RBFOX1: variants seen among roughly 807,000 people sequenced by gnomAD.
RBFOX1 encodes the protein RNA binding fox-1 homolog 1, also known as RNA binding protein fox-1 homolog 1.
RBFOX1 carries 8 observed loss-of-function variants against 57.7 expected under a neutral mutation model. That is an observed-to-expected ratio of 0.14 (90% CI 0.08 to 0.25). The LOEUF (loss-of-function observed/expected upper bound fraction) is 0.25, where lower values mean the gene tolerates loss of function less well. Among genes scored for constraint, RBFOX1 ranks in the 10% least tolerant of loss-of-function variants. The pLI is 1.00. For synonymous variants in RBFOX1, 326 were observed against 222.4 expected, an observed-to-expected ratio of 1.47 and a Z score of -4.15; for missense variants, 611 against 548.5, an observed-to-expected ratio of 1.11 and a Z score of -1.14.
intron 2 of RBFOX1, among the ~76,000 whole-genome samples, chr16:6,469,509 G>T (rs148151758): frequency 1.3e-5 from 2 of 152,138 alleles, no homozygotes; most frequent in African/African-American, 4.8e-5. Flanking sequence ...AAAAGAGTTA[G>T]CTTTGAAAAC....
rs535420887 is a variant in RBFOX1 at position 6,811,829 on chromosome 16, C to T, written c.-16+157179C>T. On this transcript the variant is annotated intron_variant, in intron 3 of 15. Coordinates refer to ENST00000550418, the MANE Select transcript of RBFOX1 (RefSeq NM_018723.4). ...GCTTGAACCTGGGAGGCAGAGGTTA[C>T]AGTGAGCCGAGATTGTGCCATTGCA... 4.6e-5 allele frequency among the ~76,000 whole-genome samples: 7 copies of T among 152,284 alleles called. 1 individual carries two copies. In the East Asian group the frequency reaches 9.7e-4, roughly 21 times the overall value.
chr16:6,305,787 A>G (rs1204510551), intron 1 of RBFOX1, among the ~76,000 whole-genome samples: 2 of 151,984 alleles, frequency 1.3e-5, no homozygotes, highest in Admixed American at 1.3e-4. Flanking sequence ...CAACTAGCAA[A>G]TGCTGGAGCT....
At chr16:6,804,490 C>A (rs567585260) in intron 3 of RBFOX1, among the ~76,000 whole-genome samples, 1 of 152,116 alleles carries the variant, frequency 6.6e-6, no homozygotes, top group Admixed American at 6.5e-5. Flanking sequence ...ACAGGCTCAA[C>A]AGCTCTAGGT....
chr16:7,368,010 T>C (rs1242166858), intron 4 of RBFOX1, among the ~76,000 whole-genome samples: 3 of 152,126 alleles, frequency 2.0e-5, no homozygotes. Context: ...CTTATGCCTG[T>C]AATCCCAGCA....
Position 5,977,258 on chromosome 16 carries a change from C to G in RBFOX1, c.351+109923C>G, listed in dbSNP as rs570315177. Among the ~76,000 whole-genome samples the G allele has an allele frequency of 7.2e-5, 11 of 152,338 alleles. No homozygotes were observed. In the South Asian group the frequency reaches 2.3e-3, roughly 32 times the overall value. ...TTGATGATGGCTCCTCACCACCTCT[C>G]TGCCTGCCCCATGACCCTGGAGGAG... On this transcript the variant is annotated intron_variant, in intron 4 of 19. Transcript: ENST00000641259.
intron 4 of RBFOX1, among the ~76,000 whole-genome samples, chr16:7,321,732 G>C (rs2096547896): frequency 6.6e-6 from 1 of 152,222 alleles, no homozygotes; most frequent in South Asian, 2.1e-4. Context: ...TTTTAAAATA[G>C]ATTGTCATGT....
intron 4 of RBFOX1, among the ~76,000 whole-genome samples, chr16:5,897,421 A>G (rs188475587): frequency 6.6e-6 from 1 of 152,218 alleles, no homozygotes; most frequent in East Asian, 1.9e-4. Flanking sequence ...GGTCTTACAT[A>G]CTTAATCTTC....
At chr16:7,522,868 T>A (rs1019959503) in intron 5 of RBFOX1, among the ~76,000 whole-genome samples, 1 of 152,194 alleles carries the variant, frequency 6.6e-6, no homozygotes, top group African/African-American at 2.4e-5. Flanking sequence ...CTGTATATAT[T>A]TAAAGTATAC....
At chr16:7,701,915 C>A (rs1192413332) in intron 14 of RBFOX1, among the ~76,000 whole-genome samples, 1 of 152,162 alleles carries the variant, frequency 6.6e-6, no homozygotes, top group African/African-American at 2.4e-5. Flanking sequence ...GAGGGTTTCT[C>A]CCTGTTGCAG....
In RBFOX1 at chr16:5,598,843, AT is replaced by A. The variant is rs1567278999; in HGVS notation, c.259-52del. On this transcript the variant is annotated intron_variant, in intron 2 of 2. Transcript: ENST00000585867. ...CTAAACTGGGTTACTCAAGGTTAGA[AT>A]TTTTTTCCTCAACCCGGCTTCCCCA... 5.2e-6 allele frequency: 7 copies of A among 1,343,476 alleles called. No individual in the cohort carries two copies. The Admixed American group carries it at 1.3e-4, about 25-fold the overall frequency. 83.2% of individuals were successfully genotyped at this position (1,343,476 alleles called of 1,614,324 possible).
chr16:5,371,693 G>T (rs560668398), intron 1 of RBFOX1, among the ~76,000 whole-genome samples: 1 of 152,236 alleles, frequency 6.6e-6, no homozygotes, highest in Non-Finnish European at 1.5e-5. Context: ...TTGAGGGAAT[G>T]AAGGCTTGGT....
At chr16:7,269,584 T>C (rs1393212783) in intron 4 of RBFOX1, among the ~76,000 whole-genome samples, 2 of 152,222 alleles carry the variant, frequency 1.3e-5, no homozygotes, top group Non-Finnish European at 2.9e-5. Flanking sequence ...TACCATGCCA[T>C]GAATCATTTT....
chr16:6,927,577 C>G lies in RBFOX1; in HGVS notation c.-15-124480C>G, dbSNP rs568687635. Among the ~76,000 whole-genome samples the G allele has an allele frequency of 2.6e-5, 4 of 152,084 alleles. No homozygotes were observed. The East Asian group carries it at 7.7e-4, about 29-fold the overall frequency. On this transcript the variant is annotated intron_variant, in intron 3 of 15. Coordinates refer to ENST00000550418, the MANE Select transcript of RBFOX1 (RefSeq NM_018723.4). ...TTTTTCGTTTTTGCATCATTCACTG[C>G]TGTGTCCTGTGTGCCTGGAAAAGTA... is the stretch of plus-strand genomic sequence containing the variant.
At chr16:6,423,778 G>C (rs1413524321) in intron 2 of RBFOX1, among the ~76,000 whole-genome samples, 1 of 152,138 alleles carries the variant, frequency 6.6e-6, no homozygotes, top group Non-Finnish European at 1.5e-5. Context: ...CTACGACGCA[G>C]CACTGCAGGC....
chr16:5,938,656 A>C (rs540486494), intron 4 of RBFOX1, among the ~76,000 whole-genome samples: 20 of 152,194 alleles, frequency 1.3e-4, no homozygotes, highest in African/African-American at 4.6e-4. Context: ...GCAATTTTAC[A>C]CCTGGGGTCA....
intron 3 of RBFOX1, among the ~76,000 whole-genome samples, chr16:6,691,712 C>T (rs2060236334): frequency 6.6e-6 from 1 of 152,144 alleles, no homozygotes; most frequent in Non-Finnish European, 1.5e-5. Flanking sequence ...CCCCAGGAAC[C>T]ATGGATATGT....
intron 3 of RBFOX1, among the ~76,000 whole-genome samples, chr16:6,822,132 C>G (rs9925204): frequency 0.53 from 81,077 of 151,912 alleles, 22,940 homozygotes; most frequent in Non-Finnish European, 0.64. Context: ...AGAAAGGATA[C>G]AGGGAAGCAA....
At chr16:7,268,685 G>A (rs1467164799) in intron 4 of RBFOX1, among the ~76,000 whole-genome samples, 1 of 152,048 alleles carries the variant, frequency 6.6e-6, no homozygotes, top group Non-Finnish European at 1.5e-5. Context: ...TGTTTTATTT[G>A]GAAATTAGTA....
chr16:6,835,988 A>G (rs1348545717), intron 3 of RBFOX1, among the ~76,000 whole-genome samples: 2 of 152,132 alleles, frequency 1.3e-5, no homozygotes. Context: ...ATCTGGTCAC[A>G]TCTAACTGCA....
Sources: gnomAD v4.1 joint callset for allele counts (sites outside exome capture counted in the v4.1 genomes callset) on GRCh38, gnomAD v4.1.1 for gene constraint, MANE v1.5 for transcripts, NCBI Gene and HGNC (gene_info 2026-07-23, HGNC 2026-07-21) for gene names.